SLCO4C1: variants seen among roughly 807,000 people sequenced by gnomAD.
SLCO4C1 encodes the protein solute carrier organic anion transporter family member 4C1.
A neutral mutation model predicts 72.1 loss-of-function variants in SLCO4C1; 58 were observed. The ratio of observed to expected loss-of-function variants is 0.80; its 90% CI spans 0.65 to 1.00. The LOEUF is 1.00. Ranked by LOEUF, SLCO4C1 falls within the 50% of genes least tolerant of loss-of-function variation. The pLI is 0.00. For missense variants in SLCO4C1, 898 were observed against 857.9 expected (o/e 1.05, Z -0.58); for synonymous variants, 297 against 312.5 (o/e 0.95, Z 0.52).
At chr5:102,286,160 T>G (rs1443777142) in intron 2 of SLCO4C1, among the ~76,000 whole-genome samples, 3 of 152,102 alleles carry the variant, frequency 2.0e-5, no homozygotes, top group Non-Finnish European at 4.4e-5. Flanking sequence ...AATTAGAAAT[T>G]TAGTGCTACA....
In SLCO4C1 at chr5:102,236,744, C is replaced by A; in HGVS notation, c.*114G>T. 1 of 1,157,652 alleles carries A rather than the reference C, an allele frequency of 8.6e-7. No individual in the cohort carries two copies. The highest frequency in any genetic ancestry group is 1.6e-5 in the African/African-American group (1 of 63,168). 71.7% of individuals were successfully genotyped at this position (1,157,652 alleles called of 1,614,324 possible). The stretch of plus-strand genomic sequence containing the variant: ...AAAATACATTTGATTATAAAAACAT[C>A]AATTTTGTAAATATGATTGTCCATA... On this transcript the variant is annotated 3_prime_UTR_variant, in exon 13 of 13. Coordinates refer to ENST00000310954, the MANE Select transcript of SLCO4C1 (RefSeq NM_180991.5).
chr5:102,280,858 A>T (rs965230261), intron 2 of SLCO4C1, among the ~76,000 whole-genome samples: 1 of 152,258 alleles, frequency 6.6e-6, no homozygotes, highest in Middle Eastern at 3.4e-3. Flanking sequence ...GATCATGGGG[A>T]TTAGAATTTG....
rs1207567310 is a variant in SLCO4C1, at chr5:102,272,780, A to C, written c.620-1974T>G. Among the ~76,000 whole-genome samples the C allele has an allele frequency of 4.0e-5, 6 of 151,656 alleles. No individual in the cohort carries two copies. In the East Asian group the frequency reaches 1.2e-3, roughly 30 times the overall value. ...AGACTAGCATTGCCAACATGGTAAA[A>C]CCCGTCTCTACTGAAAATACAAAAA... On this transcript the variant is annotated intron_variant, in intron 2 of 12. Coordinates refer to ENST00000310954, the MANE Select transcript of SLCO4C1 (RefSeq NM_180991.5).
intron 2 of SLCO4C1, among the ~76,000 whole-genome samples, chr5:102,286,061 AT>A (rs1580267299): frequency 6.6e-6 from 1 of 152,204 alleles, no homozygotes; most frequent in East Asian, 1.9e-4. Context: ...TACTGTAATC[AT>A]TTTCCTAGCA....
intron 3 of SLCO4C1, among the ~76,000 whole-genome samples, chr5:102,269,493 A>G (rs1749108908): frequency 6.6e-6 from 1 of 151,910 alleles, no homozygotes; most frequent in Non-Finnish European, 1.5e-5. Flanking sequence ...TACACTTGTA[A>G]TTTCATTCAT....
intron 12 of SLCO4C1, among the ~76,000 whole-genome samples, chr5:102,238,836 A>G (rs956058272): frequency 2.0e-5 from 3 of 152,174 alleles, no homozygotes; most frequent in African/African-American, 7.2e-5. Flanking sequence ...GTTCCTTACA[A>G]CGTGCCTTGG....
chr5:102,241,736 G>T (rs1748543249), intron 10 of SLCO4C1, among the ~76,000 whole-genome samples: 2 of 151,712 alleles, frequency 1.3e-5, no homozygotes, highest in African/African-American at 4.8e-5. Context: ...CACAGAAATT[G>T]AAAAAACAAT....
Position 102,239,256 on chromosome 5 carries a change from G to A in SLCO4C1, c.2009C>T (p.Ala670Val). 6.4e-7 allele frequency: 1 copy of A among 1,566,234 alleles called. No individual in the cohort carries two copies. Among genetic ancestry groups the A allele is most frequent in the South Asian group, 1.2e-5 (1 of 80,466 alleles). ...DNIKMAHMLV[A>V]ISVTCKVITM... ...ATCAAGAAGTCACCACTTACTTATG[G>A]CTACTAGCATATGGGCCATCTTGAT... Residue 670 changes from alanine to valine, a missense_variant, in exon 12 of 13, where the codon GCC becomes GTC. By Grantham distance (64) the Ala-to-Val change is moderately conservative (BLOSUM62 0). Transcript: ENST00000310954.
At chr5:102,292,956 A>G (rs1749583028) in intron 1 of SLCO4C1, among the ~76,000 whole-genome samples, 1 of 152,004 alleles carries the variant, frequency 6.6e-6, no homozygotes, top group South Asian at 2.1e-4. Context: ...TATCCTTTTT[A>G]CTTAGGTATG....
chr5:102,241,920 T>A (rs531735840), intron 10 of SLCO4C1, among the ~76,000 whole-genome samples: 1 of 152,192 alleles, frequency 6.6e-6, no homozygotes, highest in African/African-American at 2.4e-5. Context: ...TGGTTTGAAC[T>A]TTATATTCCT....
In SLCO4C1 at chr5:102,266,809, C is replaced by T. The variant is rs189799913; in HGVS notation, c.803-3029G>A. Among the ~76,000 whole-genome samples, 19 of 152,120 alleles carry T rather than the reference C, an allele frequency of 1.2e-4. No individual in the cohort carries two copies. In the South Asian group the frequency reaches 4.0e-3, roughly 32 times the overall value. The stretch of plus-strand genomic sequence containing the variant: ...TGTGTTGATGTACGTTCCTTTTATA[C>T]CTAATTTCTTAAAAGTTTTTATCAT... On this transcript the variant is annotated intron_variant, in intron 3 of 12. Transcript: ENST00000310954.
rs762693983 is a variant in SLCO4C1 at position 102,260,330 on chromosome 5, AATATAT to A, written c.1022-17_1022-12del. 4.0e-5 allele frequency: 2 copies of A among 49,586 alleles called. No individual in the cohort carries two copies. The highest frequency in any genetic ancestry group is 1.1e-4 in the African/African-American group (1 of 8,820). 3.1% of individuals were successfully genotyped at this position (49,586 alleles called of 1,614,324 possible). ...GAATTTCTGCTGTACCTAAAAAAAAAATATATATATATATATAATATATATATTATA... is the reference window on the plus strand; with the variant it reads ...GAATTTCTGCTGTACCTAAAAAAAAAATATATATATAATATATATATTATA... On this transcript the variant is annotated splice_polypyrimidine_tract_variant and intron_variant, in intron 5 of 12. Transcript: ENST00000310954.
Position 102,249,673 on chromosome 5 carries a change from C to A in SLCO4C1, c.1585G>T (p.Gly529Cys). The change falls in exon 9 of 13, where the codon GGC (glycine) becomes TGC (cysteine). Residue 529 changes from glycine to cysteine, a missense_variant. Physicochemically the swap from Gly to Cys is radical, Grantham distance 159. Transcript: ENST00000310954. ...GVQYFSPCFAGCSNPVAHRKP... is the reference protein window; with the variant it reads ...GVQYFSPCFACCSNPVAHRKP... ...CTGTGTGCAACTGGGTTTGAACAGC[C>A]TGCAAAGCAGGGAGAAAAATATTGG... is the stretch of plus-strand genomic sequence containing the variant. 1.2e-6 allele frequency: 2 copies of A among 1,613,814 alleles called. No individual in the cohort carries two copies. The highest frequency in any genetic ancestry group is 1.7e-6 in the Non-Finnish European group (2 of 1,179,898).
intron 2 of SLCO4C1, among the ~76,000 whole-genome samples, chr5:102,278,814 T>A (rs1051278871): frequency 2.6e-5 from 4 of 151,696 alleles, no homozygotes; most frequent in Non-Finnish European, 5.9e-5. Context: ...GAAAACACAA[T>A]ATATAACAAT....
intron 1 of SLCO4C1, among the ~76,000 whole-genome samples, chr5:102,295,503 T>G (rs1749632563): frequency 1.3e-5 from 2 of 152,176 alleles, no homozygotes; most frequent in Non-Finnish European, 2.9e-5. Context: ...CCTGAGGCAA[T>G]GAAACAAATG....
intron 1 of SLCO4C1, among the ~76,000 whole-genome samples, chr5:102,291,996 T>G (rs1456507287): frequency 6.6e-6 from 1 of 152,018 alleles, no homozygotes; most frequent in Non-Finnish European, 1.5e-5. Flanking sequence ...TAATTTTTTG[T>G]ATCTTGTTAG....
chr5:102,262,443 T>C lies in SLCO4C1; in HGVS notation c.900-410A>G, dbSNP rs148792765. ...TGCTTCAATTAGAGCATTTCTTTAA[T>C]GTAAAATTAGTCTTAAAGCAACTAT... On this transcript the variant is annotated intron_variant, in intron 4 of 12. Coordinates refer to ENST00000310954, the MANE Select transcript of SLCO4C1 (RefSeq NM_180991.5). Among the ~76,000 whole-genome samples, 315 of 152,272 alleles carry C rather than the reference T, an allele frequency of 2.1e-3. 2 individuals carry two copies. The highest frequency in any genetic ancestry group is 7.2e-3 in the African/African-American group (299 of 41,574).
At chr5:102,270,493 C>A in intron 3 of SLCO4C1, 131 bp downstream of exon 3, 1 of 600,942 alleles carries the variant, frequency 1.7e-6, no homozygotes, top group Admixed American at 3.9e-5. Flanking sequence ...AAAAGTAATA[C>A]TGCATTTATT....
At chr5:102,258,118 A>T in intron 6 of SLCO4C1, 31 bp from the exon 7 acceptor site, 1 of 1,510,810 alleles carries the variant, frequency 6.6e-7, no homozygotes, top group Non-Finnish European at 8.9e-7. Flanking sequence ...CCTCAAATGA[A>T]TAGCTATGAT....
Sources: gnomAD v4.1 joint callset for allele counts (sites outside exome capture counted in the v4.1 genomes callset) on GRCh38, gnomAD v4.1.1 for gene constraint, MANE v1.5 for transcripts, NCBI Gene and HGNC (gene_info 2026-07-23, HGNC 2026-07-21) for gene names.